MGAT5: variants seen among roughly 807,000 people sequenced by gnomAD.
The protein encoded by MGAT5 is alpha-1,6-mannosylglycoprotein 6-beta-N-acetylglucosaminyltransferase.
In MGAT5, 30 loss-of-function variants were observed where a neutral mutation model predicts 94.3. The observed-to-expected ratio is 0.32, with a 90% CI of 0.24 to 0.43. The LOEUF is 0.43. Among genes scored for constraint, MGAT5 ranks in the 20% least tolerant of loss-of-function variants. The pLI is 1.00. For missense variants in MGAT5, 691 were observed against 905.5 expected (o/e 0.76, Z 3.04); for synonymous variants, 310 against 322.9 (o/e 0.96, Z 0.43).
chr2:134,234,827 C>T (rs888009171), intron 1 of MGAT5, among the ~76,000 whole-genome samples: 2 of 152,186 alleles, frequency 1.3e-5, no homozygotes, highest in Non-Finnish European at 2.9e-5. Flanking sequence ...GTAACAGACA[C>T]CTGTCATGAG....
chr2:134,258,432 T>G (rs1335479365), intron 1 of MGAT5, among the ~76,000 whole-genome samples: 2 of 152,254 alleles, frequency 1.3e-5, no homozygotes, highest in Admixed American at 6.5e-5. Context: ...TACCTGTGTT[T>G]GTAAAGAAAG....
At chr2:134,172,650 T>C (rs1688273532) in intron 1 of MGAT5, among the ~76,000 whole-genome samples, 1 of 152,224 alleles carries the variant, frequency 6.6e-6, no homozygotes, top group African/African-American at 2.4e-5. Flanking sequence ...CCTCCCAAAG[T>C]GCTGGGATTA....
intron 12 of MGAT5, among the ~76,000 whole-genome samples, chr2:134,419,442 T>TGTGTG (rs778375692): frequency 4.5e-5 from 6 of 134,136 alleles, no homozygotes; most frequent in African/African-American, 5.6e-5. Context: ...GCTTCAGGGT[T>TGTGTG]TGTGTGTGTG....
intron 1 of MGAT5, among the ~76,000 whole-genome samples, chr2:134,159,710 C>T (rs1335583415): frequency 2.0e-5 from 3 of 152,102 alleles, no homozygotes; most frequent in Non-Finnish European, 4.4e-5. Flanking sequence ...AGCATGGTGG[C>T]ACAGCCTATA....
At chr2:134,191,620 C>T (rs112694062) in intron 1 of MGAT5, among the ~76,000 whole-genome samples, 1 of 150,446 alleles carries the variant, frequency 6.6e-6, no homozygotes, top group African/African-American at 2.4e-5. Context: ...GGGTTCGCAC[C>T]CTCTTCCTTC....
Position 134,403,122 on chromosome 2 carries a change from T to C in MGAT5, c.1515T>C (p.Leu505=). The C allele has an allele frequency of 1.2e-6, 2 of 1,601,958 alleles. No individual in the cohort carries two copies. The highest frequency in any genetic ancestry group is 1.7e-6 in the Non-Finnish European group (2 of 1,177,398). ...GILSGRDLQF[L]LRETKLFVGL... is the part of the protein sequence containing the mutation. ...TCAGTGGACGGGACCTGCAGTTCCTTCTTCGAGAAACCAAGGTAAAAATTC... is the reference window on the plus strand; with the variant it reads ...TCAGTGGACGGGACCTGCAGTTCCTCCTTCGAGAAACCAAGGTAAAAATTC... Residue 505 remains leucine, a synonymous_variant, in exon 11 of 16, where the codon CTT becomes CTC. Transcript: ENST00000281923.
At chr2:134,142,850 C>A (rs1339761483) in intron 1 of MGAT5, among the ~76,000 whole-genome samples, 1 of 152,084 alleles carries the variant, frequency 6.6e-6, no homozygotes, top group Non-Finnish European at 1.5e-5. Context: ...AAACTCCTGG[C>A]CTCAATTGAT....
intron 14 of MGAT5, among the ~76,000 whole-genome samples, chr2:134,439,692 G>A (rs552943872): frequency 4.6e-5 from 7 of 151,988 alleles, no homozygotes; most frequent in African/African-American, 9.6e-5. Flanking sequence ...ACAAGACTTC[G>A]TCTCAAAAAT....
intron 1 of MGAT5, among the ~76,000 whole-genome samples, chr2:134,259,219 C>A (rs1364266777): frequency 6.6e-6 from 1 of 151,930 alleles, no homozygotes; most frequent in Admixed American, 6.6e-5. Flanking sequence ...AGAGCCAGAG[C>A]CCTCTGCAGG....
intron 1 of MGAT5, among the ~76,000 whole-genome samples, chr2:134,230,840 A>G (rs1681322070): frequency 2.0e-5 from 3 of 152,122 alleles, no homozygotes; most frequent in African/African-American, 7.2e-5. Context: ...ACACACACAC[A>G]CACACACCCA....
chr2:134,203,639 T>C (rs1679901007), intron 1 of MGAT5, among the ~76,000 whole-genome samples: 1 of 152,074 alleles, frequency 6.6e-6, no homozygotes, highest in African/African-American at 2.4e-5. Flanking sequence ...TTGGTGCTTG[T>C]GACCTTGAGC....
chr2:134,277,773 A>G (rs957280292), intron 2 of MGAT5, among the ~76,000 whole-genome samples: 2 of 152,254 alleles, frequency 1.3e-5, no homozygotes, highest in Non-Finnish European at 2.9e-5. Context: ...TCTTATTTGG[A>G]TATCACCACT....
intron 2 of MGAT5, among the ~76,000 whole-genome samples, chr2:134,276,460 C>T (rs1301489135): frequency 2.0e-5 from 3 of 151,922 alleles, no homozygotes; most frequent in Non-Finnish European, 2.9e-5. Flanking sequence ...TTATTTTAAG[C>T]AAAGTATATA....
chr2:134,409,522 T>C (rs1361992749), intron 11 of MGAT5, among the ~76,000 whole-genome samples: 1 of 152,234 alleles, frequency 6.6e-6, no homozygotes, highest in African/African-American at 2.4e-5. Context: ...AATAATGGAT[T>C]CATCAATTCA....
chr2:134,244,396 G>T (rs1553500677), intron 1 of MGAT5, among the ~76,000 whole-genome samples: 2 of 151,994 alleles, frequency 1.3e-5, no homozygotes, highest in Non-Finnish European at 2.9e-5. Flanking sequence ...TTATGGACCA[G>T]GTCTTTGGAG....
chr2:134,262,356 G>C (rs1277128898), intron 1 of MGAT5, among the ~76,000 whole-genome samples: 1 of 152,206 alleles, frequency 6.6e-6, no homozygotes, highest in Non-Finnish European at 1.5e-5. Flanking sequence ...GCCCACCTCA[G>C]CCTCCAGAGT....
At chr2:134,382,443 T>G (rs1439220658) in intron 10 of MGAT5, among the ~76,000 whole-genome samples, 1 of 152,040 alleles carries the variant, frequency 6.6e-6, no homozygotes, top group East Asian at 1.9e-4. Context: ...TAAAGAGTGT[T>G]TTTCAAATAT....
At chr2:134,434,592 C>CTA (rs1685068160) in intron 14 of MGAT5, among the ~76,000 whole-genome samples, 2 of 152,178 alleles carry the variant, frequency 1.3e-5, no homozygotes, top group African/African-American at 4.8e-5. Flanking sequence ...AAAACACATT[C>CTA]AGTTTAGTTG....
intron 1 of MGAT5, among the ~76,000 whole-genome samples, chr2:134,152,494 C>T (rs187790817): frequency 3.3e-4 from 51 of 152,348 alleles, no homozygotes; most frequent in Non-Finnish European, 5.0e-4. Context: ...CCCTGTGGGA[C>T]CCACTCACTG....
Sources: allele counts gnomAD v4.1 joint callset (sites outside exome capture counted in the v4.1 genomes callset), GRCh38; gene constraint gnomAD v4.1.1; transcripts MANE v1.5; gene names NCBI Gene and HGNC (gene_info 2026-07-23, HGNC 2026-07-21).